MTTP: variants seen among roughly 807,000 people sequenced by gnomAD.
MTTP encodes microsomal triglyceride transfer protein, also known as microsomal triglyceride transfer protein large subunit.
In MTTP, 49 loss-of-function variants were observed where a neutral mutation model predicts 90.6. The observed-to-expected ratio is 0.54, with a 90% CI of 0.43 to 0.69. The LOEUF is 0.69. Ranked by LOEUF, MTTP falls within the 30% of genes least tolerant of loss-of-function variation. MTTP has a pLI of 0.00. For synonymous variants in MTTP, 347 were observed against 384.2 expected, an observed-to-expected ratio of 0.90 and a Z score of 1.13; for missense variants, 945 against 1,067.5, an observed-to-expected ratio of 0.89 and a Z score of 1.60.
chr4:99,596,689 A>C (rs953608547), intron 7 of MTTP, among the ~76,000 whole-genome samples: 1 of 152,198 alleles, frequency 6.6e-6, no homozygotes, highest in Non-Finnish European at 1.5e-5. Flanking sequence ...TTTATCTCTG[A>C]AATATTTTGC....
Position 99,594,738 on chromosome 4 carries a change from A to C in MTTP, c.764A>C (p.Lys255Thr). The change falls in exon 7 of 18, where the codon AAA becomes ACA. Residue 255 changes from lysine to threonine, a missense_variant. By Grantham distance (78) the Lys-to-Thr change is moderately conservative. Coordinates refer to ENST00000265517, the MANE Select transcript of MTTP (RefSeq NM_001386140.1). ...TTCCCTTTGGTATTATGCAGGCAGA[A>C]ATTAGAGCTGAAGACAACCGAAGCA... ...TIKGKIVSKQ[K>T]LELKTTEAGP... 6.2e-7 allele frequency: 1 copy of C among 1,613,964 alleles called. No individual in the cohort carries two copies. The highest frequency in any genetic ancestry group is 8.5e-7 in the Non-Finnish European group (1 of 1,179,866).
chr4:99,599,519 G>A (rs1415339247), intron 8 of MTTP, among the ~76,000 whole-genome samples: 3 of 152,100 alleles, frequency 2.0e-5, no homozygotes, highest in African/African-American at 7.2e-5. Flanking sequence ...GATGTTCAGT[G>A]GATTAAATGA....
chr4:99,588,648 G>A (rs1410858309), intron 3 of MTTP, among the ~76,000 whole-genome samples: 13 of 150,682 alleles, frequency 8.6e-5, no homozygotes, highest in Non-Finnish European at 5.9e-5. Flanking sequence ...AGGTTATGCA[G>A]CAGTAGCAAT....
intron 10 of MTTP, among the ~76,000 whole-genome samples, chr4:99,604,129 T>C (rs1213973434): frequency 6.6e-6 from 1 of 152,158 alleles, no homozygotes; most frequent in Non-Finnish European, 1.5e-5. Flanking sequence ...CTACGTTTTG[T>C]CCAAATCAAA....
chr4:99,566,548 C>G (rs1478528087), intron 1 of MTTP, among the ~76,000 whole-genome samples: 1 of 152,132 alleles, frequency 6.6e-6, no homozygotes, highest in Non-Finnish European at 1.5e-5. Flanking sequence ...GTATCACAAA[C>G]CTGAGAGTGC....
chr4:99,567,124 A>C (rs1293958837), intron 1 of MTTP, among the ~76,000 whole-genome samples: 2 of 152,222 alleles, frequency 1.3e-5, no homozygotes, highest in Non-Finnish European at 2.9e-5. Context: ...ATACAGAAAA[A>C]AAACTTTAAA....
chr4:99,591,864 C>A, intron 6 of MTTP, 74 bp downstream of exon 6: 1 of 1,350,272 alleles, frequency 7.4e-7, no homozygotes, highest in Non-Finnish European at 1.0e-6. Flanking sequence ...GTAAATAGAT[C>A]TGTGTTTGTG....
At chr4:99,601,053 A>G (rs1357756418) in intron 9 of MTTP, among the ~76,000 whole-genome samples, 2 of 152,166 alleles carry the variant, frequency 1.3e-5, no homozygotes, top group Admixed American at 6.6e-5. Context: ...TCAATTTTAC[A>G]AGATTTGTTT....
Position 99,585,118 on chromosome 4 carries a change from A to T in MTTP, c.393+1601A>T, listed in dbSNP as rs1578236649. ...CTAAAATAAAGGATAAACAAATAAGATTATATGGGGCTCAACTGAGTTGAA... is the reference window on the plus strand; with the variant it reads ...CTAAAATAAAGGATAAACAAATAAGTTTATATGGGGCTCAACTGAGTTGAA... On this transcript the variant is annotated intron_variant, in intron 3 of 17. Transcript: ENST00000265517. 2.6e-5 allele frequency among the ~76,000 whole-genome samples: 4 copies of T among 152,266 alleles called. No homozygotes were observed. In the East Asian group the frequency reaches 7.7e-4, roughly 29 times the overall value.
intron 8 of MTTP, among the ~76,000 whole-genome samples, chr4:99,600,183 AAG>A (rs1047537408): frequency 6.6e-6 from 1 of 152,196 alleles, no homozygotes; most frequent in Admixed American, 6.5e-5. Flanking sequence ...TAATTAAAGA[AAG>A]AGAATAAATT....
intron 1 of MTTP, among the ~76,000 whole-genome samples, chr4:99,568,270 A>T (rs543424947): frequency 3.4e-4 from 51 of 152,206 alleles, no homozygotes; most frequent in African/African-American, 1.2e-3. Context: ...AAAACATACC[A>T]AAAAAAGACG....
intron 12 of MTTP, among the ~76,000 whole-genome samples, chr4:99,610,433 C>G (rs1485655059): frequency 6.6e-6 from 1 of 152,152 alleles, no homozygotes; most frequent in Non-Finnish European, 1.5e-5. Flanking sequence ...ATGCCATTGC[C>G]TCCCCTCAAT....
At chr4:99,579,766 G>A (rs895419096) in intron 1 of MTTP, among the ~76,000 whole-genome samples, 2 of 152,020 alleles carry the variant, frequency 1.3e-5, no homozygotes, top group South Asian at 2.1e-4. Context: ...GGTTGGGTGC[G>A]GTGGCTCACA....
chr4:99,600,865 G>T, intron 9 of MTTP, 132 bp downstream of exon 9: 1 of 881,026 alleles, frequency 1.1e-6, no homozygotes. Flanking sequence ...ATTCAAATTG[G>T]GGTATTTTCT....
chr4:99,583,246 G>T, intron 2 of MTTP, 128 bp from the exon 3 acceptor site: 1 of 1,072,662 alleles, frequency 9.3e-7, no homozygotes, highest in Admixed American at 2.3e-5. Flanking sequence ...TATAAATCAT[G>T]AATTGAAAAA....
At chr4:99,569,692 T>G (rs1724791641) in intron 1 of MTTP, among the ~76,000 whole-genome samples, 1 of 152,084 alleles carries the variant, frequency 6.6e-6, no homozygotes, top group South Asian at 2.1e-4. Context: ...TATTAAGGTG[T>G]TCAGTGAATA....
chr4:99,590,555 T>C (rs1275069829), intron 4 of MTTP, among the ~76,000 whole-genome samples: 1 of 152,166 alleles, frequency 6.6e-6, no homozygotes. Context: ...CCAAGTTTCT[T>C]AGACTGAATT....
At chr4:99,578,167 A>C (rs1725013694) in intron 1 of MTTP, among the ~76,000 whole-genome samples, 1 of 152,202 alleles carries the variant, frequency 6.6e-6, no homozygotes, top group Non-Finnish European at 1.5e-5. Context: ...GTATTTAAAA[A>C]ATATTTCTTG....
intron 10 of MTTP, among the ~76,000 whole-genome samples, chr4:99,605,867 GTA>G (rs1308915144): frequency 8.2e-6 from 1 of 121,426 alleles, no homozygotes; most frequent in South Asian, 2.8e-4. Context: ...CCAACCCCAT[GTA>G]TGTGTGTGTG....
Sources: allele counts gnomAD v4.1 joint callset (sites outside exome capture counted in the v4.1 genomes callset), GRCh38; gene constraint gnomAD v4.1.1; transcripts MANE v1.5; gene names NCBI Gene and HGNC (gene_info 2026-07-23, HGNC 2026-07-21).